The following DGKI variants were observed in gnomAD, a reference collection of about 807,000 sequenced individuals.
DGKI encodes DAG kinase iota.
Under a neutral mutation model 147.5 loss-of-function variants are expected in DGKI, and 55 were observed. The ratio of observed to expected loss-of-function variants is 0.37; its 90% CI spans 0.30 to 0.47. The LOEUF is 0.47. Among genes scored for constraint, DGKI ranks in the 20% least tolerant of loss-of-function variants. DGKI has a pLI of 1.00. For missense variants in DGKI, 1,007 were observed against 1,323.8 expected, an observed-to-expected ratio of 0.76 and a Z score of 3.71; for synonymous variants, 469 against 477.1, an observed-to-expected ratio of 0.98 and a Z score of 0.22.
At chr7:137,827,680 G>A (rs149788186) in intron 1 of DGKI, among the ~76,000 whole-genome samples, 1 of 152,334 alleles carries the variant, frequency 6.6e-6, no homozygotes, top group East Asian at 1.9e-4. Context: ...TGTTCAAGCT[G>A]CTGATGTCTA....
chr7:137,597,680 G>A (rs1461417225), intron 12 of DGKI, among the ~76,000 whole-genome samples, 167 bp downstream of exon 12: 1 of 152,112 alleles, frequency 6.6e-6, no homozygotes, highest in African/African-American at 2.4e-5. Context: ...GTATTCATAA[G>A]GACAATAACA....
rs375805730 is a variant in DGKI at position 137,487,672 on chromosome 7, G to C, written c.2266C>G (p.Leu756Val). The C allele has an allele frequency of 1.2e-6, 2 of 1,613,560 alleles. No individual in the cohort carries two copies. The highest frequency in any genetic ancestry group is 1.7e-6 in the Non-Finnish European group (2 of 1,179,708). Residue 756 changes from leucine (L) to valine (V), a missense_variant, in exon 22 of 33, where the codon CTA becomes GTA. Leu to Val is a conservative substitution (Grantham distance 32). This residue lies in a region of DGKI where 385 missense variants were observed against 445.2 expected (regional missense o/e 0.86). Transcript: ENST00000614521. ...AAATCACAGTCTCCACGCACAACTA[G>C]AATACCCAGAGGTATCGCTAAGGGT... ...LREASIPLGILVVRGDCDLET... is the reference protein window; with the variant it reads ...LREASIPLGIVVVRGDCDLET...
At position 137,723,159 on chromosome 7, in the gene DGKI, G is replaced by A. The variant is rs79210822; in HGVS notation, c.402-33157C>T. 1.2e-3 allele frequency among the ~76,000 whole-genome samples: 190 copies of A among 152,268 alleles called. 1 individual carries two copies. The highest frequency in any genetic ancestry group is 4.1e-3 in the African/African-American group (172 of 41,554). On this transcript the variant is annotated intron_variant, in intron 1 of 32. Coordinates refer to ENST00000614521, the MANE Select transcript of DGKI (RefSeq NM_001321708.2). ...GATGATGATGAAGTACCCTCCTCAG[G>A]GAGGCCTTCATGGAACCCTTAGACA...
At chr7:137,774,986 T>C (rs1006604241) in intron 1 of DGKI, 10 of 152,180 alleles carry the variant, frequency 6.6e-5, no homozygotes, top group Non-Finnish European at 8.8e-5. Context: ...TGTTCTCAAG[T>C]CTTTCCATTC....
intron 3 of DGKI, among the ~76,000 whole-genome samples, chr7:137,673,074 G>A (rs772342266): frequency 1.2e-4 from 18 of 151,122 alleles, no homozygotes; most frequent in Non-Finnish European, 1.9e-4. Context: ...GAGCCACCGC[G>A]CCCAGCGTGT....
At chr7:137,422,091 T>C (rs1812594930) in intron 28 of DGKI, among the ~76,000 whole-genome samples, 1 of 152,228 alleles carries the variant, frequency 6.6e-6, no homozygotes, top group Non-Finnish European at 1.5e-5. Flanking sequence ...GAGCTGTATA[T>C]CAGCAATGAT....
At chr7:137,578,751 G>C (rs1256778877) in intron 15 of DGKI, among the ~76,000 whole-genome samples, 1 of 152,148 alleles carries the variant, frequency 6.6e-6, no homozygotes, top group Non-Finnish European at 1.5e-5. Context: ...GAGATAACAG[G>C]AAAAGGTGGA....
At chr7:137,734,568 A>T (rs903468696) in intron 1 of DGKI, among the ~76,000 whole-genome samples, 3 of 151,976 alleles carry the variant, frequency 2.0e-5, no homozygotes, top group African/African-American at 7.2e-5. Context: ...CCCTGTGACT[A>T]GGGACCTATA....
intron 20 of DGKI, 90 bp from the exon 21 acceptor site, chr7:137,522,056 T>C: frequency 1.1e-6 from 1 of 885,706 alleles, no homozygotes; most frequent in Non-Finnish European, 1.8e-6. Flanking sequence ...TATTGTCTCT[T>C]CATGTTTAGA....
intron 1 of DGKI, among the ~76,000 whole-genome samples, chr7:137,781,513 G>T (rs945253462): frequency 6.6e-6 from 1 of 152,110 alleles, no homozygotes; most frequent in Non-Finnish European, 1.5e-5. Context: ...ATTTAATGGG[G>T]TCTGAGACTG....
intron 21 of DGKI, among the ~76,000 whole-genome samples, chr7:137,505,992 T>C (rs1030637431): frequency 1.3e-5 from 2 of 152,088 alleles, no homozygotes; most frequent in African/African-American, 2.4e-5. Flanking sequence ...AATAGGAACA[T>C]TCATTCATTG....
In DGKI at chr7:137,820,061, C is replaced by T. The variant is rs142070065; in HGVS notation, c.401+26401G>A. On this transcript the variant is annotated intron_variant, in intron 1 of 32. Transcript: ENST00000614521. ...TAAGTCTATGTTATTCATATGTCCA[C>T]CTTCTTCCACCAGAAGGTGAGTTCT... 3.9e-3 allele frequency among the ~76,000 whole-genome samples: 593 copies of T among 152,310 alleles called. 1 individual carries two copies. The highest frequency in any genetic ancestry group is 0.012 in the African/African-American group (490 of 41,560).
intron 1 of DGKI, among the ~76,000 whole-genome samples, chr7:137,759,167 T>C (rs1439991617): frequency 6.6e-6 from 1 of 152,172 alleles, no homozygotes; most frequent in East Asian, 1.9e-4. Context: ...TTTATGTCCA[T>C]GTGTATCCAC....
Position 137,683,364 on chromosome 7 carries a change from TTG to T in DGKI, c.511-4714_511-4713del, listed in dbSNP as rs1402780905. On this transcript the variant is annotated intron_variant, in intron 2 of 32. Transcript: ENST00000614521. ...CTTTTATCCTTGTCACTCTTTTTGT[TTG>T]TGTTTGTTTGTTTGTTTGTTTGTTT... Among the ~76,000 whole-genome samples the T allele has an allele frequency of 2.1e-3, 259 of 123,398 alleles. 3 individuals carry two copies. Among genetic ancestry groups the T allele is most frequent in the Non-Finnish European group, 2.0e-3 (120 of 60,074 alleles). The allele number at this position is 123,398 out of a possible 152,430, so 81.0% of individuals were successfully genotyped here.
intron 5 of DGKI, among the ~76,000 whole-genome samples, chr7:137,651,512 A>T (rs1822025665): frequency 6.6e-6 from 1 of 152,178 alleles, no homozygotes; most frequent in Admixed American, 6.5e-5. Flanking sequence ...GAAATAGTCT[A>T]GTGTTTGATG....
intron 1 of DGKI, among the ~76,000 whole-genome samples, chr7:137,727,550 G>C (rs1794751097): frequency 6.6e-6 from 1 of 152,160 alleles, no homozygotes; most frequent in Admixed American, 6.5e-5. Context: ...CATCCCCTCT[G>C]TAGGGCTCTA....
chr7:137,519,717 C>T lies in DGKI; in HGVS notation c.2248+2149G>A, dbSNP rs1167362559. Among the ~76,000 whole-genome samples, 5 of 151,990 alleles carry T rather than the reference C, an allele frequency of 3.3e-5. No individual in the cohort carries two copies. In the South Asian group the frequency reaches 1.0e-3, roughly 31 times the overall value. On this transcript the variant is annotated intron_variant, in intron 21 of 32. Coordinates refer to ENST00000614521, the MANE Select transcript of DGKI (RefSeq NM_001321708.2). ...ATCTGTATTCTGTTTCAAGTTGGAA[C>T]CAGGCAAAAGAGTAAAGGTTAGTAG...
chr7:137,713,496 A>G (rs1483147524), intron 1 of DGKI, among the ~76,000 whole-genome samples: 1 of 152,190 alleles, frequency 6.6e-6, no homozygotes, highest in South Asian at 2.1e-4. Flanking sequence ...CATAATACAC[A>G]TTTATTTTTA....
At chr7:137,407,348 A>T (rs534701870) in intron 30 of DGKI, among the ~76,000 whole-genome samples, 1 of 152,340 alleles carries the variant, frequency 6.6e-6, no homozygotes, top group South Asian at 2.1e-4. Context: ...GGTTAGTATG[A>T]TCTGCCACAG....
Sources: gnomAD v4.1 joint callset for allele counts (sites outside exome capture counted in the v4.1 genomes callset) on GRCh38, gnomAD v4.1.1 for gene constraint, gnomAD v4.1.1 regional missense constraint, MANE v1.5 for transcripts, NCBI Gene and HGNC (gene_info 2026-07-23, HGNC 2026-07-21) for gene names.